Variants in SHANK2 observed in about 807,000 individuals in gnomAD.
SHANK2 encodes SH3 and multiple ankyrin repeat domains 2.
In SHANK2, 43 loss-of-function variants were observed where a neutral mutation model predicts 133.7. That is an observed-to-expected ratio of 0.32 (90% CI 0.25 to 0.41). SHANK2 has a LOEUF of 0.41. Among genes scored for constraint, SHANK2 ranks in the 10% least tolerant of loss-of-function variants. The probability of loss-of-function intolerance (pLI) is 1.00; values close to 1 mark genes in which losing one functional copy is unlikely to be tolerated. For missense variants in SHANK2, 1,994 were observed against 2,235.8 expected (o/e 0.89, Z 2.18); for synonymous variants, 1,017 against 952.8 (o/e 1.07, Z -1.24).
chr11:70,813,318 G>A (rs563864112), intron 12 of SHANK2, among the ~76,000 whole-genome samples: 8 of 152,280 alleles, frequency 5.3e-5, no homozygotes, highest in Non-Finnish European at 1.2e-4. Context: ...GAAAGGCTCT[G>A]CAGGGATGTT....
intron 14 of SHANK2, among the ~76,000 whole-genome samples, chr11:70,744,963 G>A (rs964355939): frequency 6.6e-6 from 1 of 152,234 alleles, no homozygotes; most frequent in Admixed American, 6.5e-5. Context: ...TGAAGTGAGA[G>A]TGAAGGCACA....
At position 71,210,240 on chromosome 11, in the gene SHANK2, ATATATATATATATT is replaced by A. The variant is rs1357921318; in HGVS notation, c.-13+14443_-13+14456del. 5.8e-5 allele frequency among the ~76,000 whole-genome samples: 5 copies of A among 85,752 alleles called. 1 individual carries two copies. Among genetic ancestry groups the A allele is most frequent in the South Asian group, 9.2e-4 (2 of 2,176 alleles). The allele number at this position is 85,752 out of a possible 152,430, so 56.3% of individuals were successfully genotyped here. A position where few individuals can be genotyped will look rare whatever the true frequency, so the allele number is the denominator to read the frequency against. On this transcript the variant is annotated intron_variant, in intron 2 of 25. Coordinates refer to ENST00000601538, the MANE Select transcript of SHANK2 (RefSeq NM_012309.5). ...TATATATATATATATATATATATAT[ATATATATATATATT>A]TATTTATTTTTTGAAACAGAGTCTC...
chr11:70,564,630 G>A lies in SHANK2; in HGVS notation c.2062-61699C>T, dbSNP rs547797686. Among the ~76,000 whole-genome samples, 11 of 152,042 alleles carry A rather than the reference G, an allele frequency of 7.2e-5. No homozygotes were observed. In the South Asian group the frequency reaches 2.1e-3, roughly 29 times the overall value. On this transcript the variant is annotated intron_variant, in intron 17 of 25. Coordinates refer to ENST00000601538, the MANE Select transcript of SHANK2 (RefSeq NM_012309.5). Reference sequence around the variant, plus strand: ...GGGACTCTACTTACATGTATATTGGGCTGTTGGAAGCTATCTTGCAGCTCA... The same window carrying A: ...GGGACTCTACTTACATGTATATTGGACTGTTGGAAGCTATCTTGCAGCTCA...
At chr11:70,585,820 A>C (rs963250727) in intron 17 of SHANK2, among the ~76,000 whole-genome samples, 1 of 141,644 alleles carries the variant, frequency 7.1e-6, no homozygotes, top group Admixed American at 7.1e-5. Flanking sequence ...TCATCTATCC[A>C]TTTGCTCACC....
intron 10 of SHANK2, chr11:70,942,780 T>C: frequency 4.4e-6 from 2 of 456,604 alleles, no homozygotes; most frequent in Non-Finnish European, 8.8e-6. Context: ...CCTCCTTAAC[T>C]CTGCACCAAG....
At chr11:70,636,868 ATG>A (rs1233812589) in intron 17 of SHANK2, among the ~76,000 whole-genome samples, 1 of 151,956 alleles carries the variant, frequency 6.6e-6, no homozygotes, top group Non-Finnish European at 1.5e-5. Flanking sequence ...ATGTGTGAAC[ATG>A]TGTGTGCACA....
chr11:70,490,260 G>C lies in SHANK2; in HGVS notation c.2551+16C>G. 1 of 1,602,092 alleles carries C rather than the reference G, an allele frequency of 6.2e-7. No homozygotes were observed. The highest frequency in any genetic ancestry group is 8.6e-7 in the Non-Finnish European group (1 of 1,168,954). On this transcript the variant is annotated intron_variant, in intron 23 of 25. Transcript: ENST00000601538. Reference sequence around the variant, plus strand: ...GCCCAGGGGCAACTTCTGTGGGGGAGTGCCACACTTCTTACCTATTGATTT... The same window carrying C: ...GCCCAGGGGCAACTTCTGTGGGGGACTGCCACACTTCTTACCTATTGATTT...
chr11:70,595,174 C>T (rs1429733652), intron 17 of SHANK2, among the ~76,000 whole-genome samples: 1 of 152,136 alleles, frequency 6.6e-6, no homozygotes, highest in Non-Finnish European at 1.5e-5. Flanking sequence ...GCTGGCCCCT[C>T]ACATCGGCCA....
At chr11:70,920,861 G>A (rs1950340128) in intron 10 of SHANK2, among the ~76,000 whole-genome samples, 2 of 152,168 alleles carry the variant, frequency 1.3e-5, no homozygotes, top group Non-Finnish European at 2.9e-5. Context: ...GATCAAGGAG[G>A]TTAAGTCAAA....
At chr11:70,530,175 G>A (rs1024457141) in intron 17 of SHANK2, among the ~76,000 whole-genome samples, 7 of 152,212 alleles carry the variant, frequency 4.6e-5, no homozygotes, top group African/African-American at 1.4e-4. Flanking sequence ...TGATGGATGA[G>A]TGGATAAACA....
At chr11:70,521,771 C>G (rs2059333732) in intron 17 of SHANK2, among the ~76,000 whole-genome samples, 2 of 152,368 alleles carry the variant, frequency 1.3e-5, no homozygotes, top group South Asian at 4.1e-4. Flanking sequence ...TCACATTCTT[C>G]TCGCCTTGCC....
At position 71,113,303 on chromosome 11, in the gene SHANK2, A is replaced by G; in HGVS notation, c.473T>C (p.Leu158Pro). 1 of 1,551,722 alleles carries G rather than the reference A, an allele frequency of 6.4e-7. No homozygotes were observed. The highest frequency in any genetic ancestry group is 1.4e-5 in the African/African-American group (1 of 73,164). Reference protein sequence around the residue: ...ASLDEKQLAKLHTKTNLKKCM... With the variant: ...ASLDEKQLAKPHTKTNLKKCM... The stretch of plus-strand genomic sequence containing the variant: ...CCGTTCCCTGCATACCTTCGTGTGG[A>G]GCTTGGCCAACTGTTTCTCATCGAG... The change falls in exon 5 of 26, where the codon CTC (leucine) becomes CCC (proline). Residue 158 changes from leucine (L) to proline (P), a missense_variant. By Grantham distance (98) the Leu-to-Pro change is moderately conservative. This residue lies in a region of SHANK2 where 653 missense variants were observed against 563.4 expected (regional missense o/e 1.16). Coordinates refer to ENST00000601538, the MANE Select transcript of SHANK2 (RefSeq NM_012309.5).
intron 14 of SHANK2, among the ~76,000 whole-genome samples, chr11:70,782,770 A>G (rs1160373614): frequency 6.6e-6 from 1 of 152,240 alleles, no homozygotes; most frequent in Non-Finnish European, 1.5e-5. Flanking sequence ...ACATGCACAG[A>G]AAGGTGCTCG....
chr11:70,685,587 T>A (rs1945128458), intron 15 of SHANK2, among the ~76,000 whole-genome samples: 1 of 152,178 alleles, frequency 6.6e-6, no homozygotes, highest in Non-Finnish European at 1.5e-5. Context: ...GATTCCAAGC[T>A]GGACCCTCCC....
chr11:70,778,008 G>T (rs782271306), intron 14 of SHANK2, among the ~76,000 whole-genome samples: 22 of 152,330 alleles, frequency 1.4e-4, no homozygotes, highest in African/African-American at 2.2e-4. Flanking sequence ...ATAATGACAG[G>T]AGAGCTAGCT....
At chr11:71,244,814 G>T (rs1555124771) in intron 1 of SHANK2, among the ~76,000 whole-genome samples, 1 of 152,054 alleles carries the variant, frequency 6.6e-6, no homozygotes, top group African/African-American at 2.4e-5. Context: ...GTGATCTCTT[G>T]TGCCTTAGCC....
chr11:70,742,257 T>G (rs1946543681), intron 14 of SHANK2, among the ~76,000 whole-genome samples: 2 of 152,230 alleles, frequency 1.3e-5, no homozygotes, highest in East Asian at 3.9e-4. Flanking sequence ...GGCAATCTCC[T>G]ACTCATCCTT....
intron 20 of SHANK2, among the ~76,000 whole-genome samples, chr11:70,501,312 T>C (rs1212668138): frequency 6.6e-6 from 1 of 152,170 alleles, no homozygotes; most frequent in Non-Finnish European, 1.5e-5. Context: ...TAGCACTTGC[T>C]AGACTCCTCT....
chr11:71,143,571 T>C (rs1172244857), intron 3 of SHANK2, among the ~76,000 whole-genome samples: 1 of 152,050 alleles, frequency 6.6e-6, no homozygotes, highest in Non-Finnish European at 1.5e-5. Flanking sequence ...TTGTTGGTGA[T>C]TTTGCCATTT....
Sources: allele counts gnomAD v4.1 joint callset (sites outside exome capture counted in the v4.1 genomes callset), GRCh38; gene constraint gnomAD v4.1.1; regional missense constraint gnomAD v4.1.1; transcripts MANE v1.5; gene names NCBI Gene and HGNC (gene_info 2026-07-23, HGNC 2026-07-21).